ZFPM2: variants seen among roughly 807,000 people sequenced by gnomAD.
ZFPM2 encodes the protein zinc finger protein, FOG family member 2, also known as zinc finger protein ZFPM2.
ZFPM2 carries 20 observed loss-of-function variants against 98.6 expected under a neutral mutation model. That is an observed-to-expected ratio of 0.20 (90% CI 0.14 to 0.29). The LOEUF (loss-of-function observed/expected upper bound fraction) is 0.29. ZFPM2 is among the 10% of genes least tolerant of loss of function. ZFPM2 has a pLI of 1.00. For synonymous variants in ZFPM2, 518 were observed against 502.7 expected (o/e 1.03, Z -0.41); for missense variants, 1,310 against 1,388.6 (o/e 0.94, Z 0.90).
At chr8:105,408,184 C>G (rs1305277551) in intron 1 of ZFPM2, among the ~76,000 whole-genome samples, 1 of 151,960 alleles carries the variant, frequency 6.6e-6, no homozygotes, top group Admixed American at 6.6e-5. Context: ...TACCCGCTCT[C>G]CTAATTCTCC....
intron 4 of ZFPM2, among the ~76,000 whole-genome samples, chr8:105,580,827 C>CTCTCTA (rs1277698205): frequency 3.3e-4 from 44 of 131,470 alleles, no homozygotes; most frequent in African/African-American, 9.0e-4. Context: ...CTCTCTCTCT[C>CTCTCTA]TATATATATA....
intron 3 of ZFPM2, among the ~76,000 whole-genome samples, chr8:105,524,317 G>A (rs1183557436): frequency 6.6e-6 from 1 of 151,898 alleles, no homozygotes; most frequent in African/African-American, 2.4e-5. Flanking sequence ...GGTATCCTTA[G>A]TACCAACATT....
rs559845332 is a variant in ZFPM2 at position 105,481,051 on chromosome 8, G to C, written c.301+36670G>C. ...AGGCGTGAGCCACCATGCCTGGCTG[G>C]GATTACATTTTTTAAAAATCCAGTT... On this transcript the variant is annotated intron_variant, in intron 3 of 7. Coordinates refer to ENST00000407775, the MANE Select transcript of ZFPM2 (RefSeq NM_012082.4). Among the ~76,000 whole-genome samples the C allele has an allele frequency of 6.6e-5, 10 of 152,084 alleles. No individual in the cohort carries two copies. In the East Asian group the frequency reaches 1.7e-3, roughly 26 times the overall value.
chr8:105,516,140 G>T (rs1254077932), intron 3 of ZFPM2, among the ~76,000 whole-genome samples: 2 of 151,964 alleles, frequency 1.3e-5, no homozygotes, highest in Non-Finnish European at 2.9e-5. Context: ...TGGCCAGGCT[G>T]GTCTTGAACT....
In ZFPM2 at chr8:105,347,246, A is replaced by T. The variant is rs190969246; in HGVS notation, c.40+28265A>T. ...CGTGATTATTCTTTTAACATTAAAA[A>T]TTCAATTTACTGATTGCAAATTAAA... On this transcript the variant is annotated intron_variant, in intron 1 of 7. Transcript: ENST00000407775. 7.2e-4 allele frequency among the ~76,000 whole-genome samples: 110 copies of T among 152,248 alleles called. 2 individuals carry two copies. The highest frequency in any genetic ancestry group is 6.0e-4 in the Non-Finnish European group (41 of 68,026).
At chr8:105,721,925 A>G (rs1811678189) in intron 5 of ZFPM2, among the ~76,000 whole-genome samples, 1 of 151,920 alleles carries the variant, frequency 6.6e-6, no homozygotes, top group Admixed American at 6.6e-5. Flanking sequence ...TGTATTGGAG[A>G]TATGTAGCAA....
intron 1 of ZFPM2, among the ~76,000 whole-genome samples, chr8:105,384,595 C>G (rs1810948438): frequency 6.6e-6 from 1 of 151,856 alleles, no homozygotes; most frequent in Non-Finnish European, 1.5e-5. Flanking sequence ...GAGAAGCAAA[C>G]TGATCTCCAT....
chr8:105,370,204 A>G (rs546773280), intron 1 of ZFPM2, among the ~76,000 whole-genome samples: 1 of 152,218 alleles, frequency 6.6e-6, no homozygotes, highest in African/African-American at 2.4e-5. Flanking sequence ...GGTAAGAAAT[A>G]GAACCTGTTT....
intron 5 of ZFPM2, among the ~76,000 whole-genome samples, chr8:105,635,042 G>A (rs1348148965): frequency 6.6e-6 from 1 of 152,176 alleles, no homozygotes; most frequent in East Asian, 1.9e-4. Context: ...CCTTCCTCAC[G>A]TGTGGTGTAG....
chr8:105,520,598 T>G (rs1039367220), intron 3 of ZFPM2, among the ~76,000 whole-genome samples: 14 of 152,250 alleles, frequency 9.2e-5, no homozygotes, highest in African/African-American at 3.4e-4. Flanking sequence ...AGCATTAATC[T>G]AGTTGGGTAG....
intron 4 of ZFPM2, among the ~76,000 whole-genome samples, chr8:105,624,309 A>G (rs746065084): frequency 7.2e-5 from 11 of 152,218 alleles, no homozygotes; most frequent in Non-Finnish European, 1.2e-4. Flanking sequence ...AAATTCTGCC[A>G]GGAGCAAAAC....
At chr8:105,397,347 A>C (rs2129965605) in intron 1 of ZFPM2, among the ~76,000 whole-genome samples, 1 of 152,288 alleles carries the variant, frequency 6.6e-6, no homozygotes. Context: ...CTAATCTATA[A>C]ATACCTAATA....
intron 5 of ZFPM2, among the ~76,000 whole-genome samples, chr8:105,767,799 C>T (rs1812888771): frequency 6.6e-6 from 1 of 151,742 alleles, no homozygotes; most frequent in African/African-American, 2.4e-5. Flanking sequence ...GCTAAGCTTC[C>T]GTTGCTATTT....
intron 6 of ZFPM2, chr8:105,795,710 TA>T (rs1563569528): frequency 2.5e-6 from 1 of 395,950 alleles, no homozygotes; most frequent in Non-Finnish European, 4.9e-6. Context: ...TTTTACTTCA[TA>T]AAAAAGAAAT....
At chr8:105,465,941 T>G (rs1226828795) in intron 3 of ZFPM2, among the ~76,000 whole-genome samples, 3 of 152,010 alleles carry the variant, frequency 2.0e-5, no homozygotes, top group African/African-American at 7.2e-5. Flanking sequence ...AGAATGAATT[T>G]AACAAAATTT....
intron 5 of ZFPM2, among the ~76,000 whole-genome samples, chr8:105,756,905 G>T (rs548703864): frequency 2.6e-5 from 4 of 152,256 alleles, no homozygotes; most frequent in South Asian, 2.1e-4. Context: ...CGTGATACCT[G>T]GGGCAGCGCG....
chr8:105,712,441 T>G (rs1272957362), intron 5 of ZFPM2, among the ~76,000 whole-genome samples: 1 of 152,046 alleles, frequency 6.6e-6, no homozygotes, highest in Non-Finnish European at 1.5e-5. Flanking sequence ...TAGACAGTAT[T>G]ACCTCAATAT....
rs891522277 is a variant in ZFPM2 at position 105,801,673 on chromosome 8, G to A, written c.1591G>A (p.Gly531Ser). 3.1e-6 allele frequency: 5 copies of A among 1,613,524 alleles called. No individual in the cohort carries two copies. Among genetic ancestry groups the A allele is most frequent in the South Asian group, 2.2e-5 (2 of 91,080 alleles). ...ACTGGTGCATCGGCGACTGAGGCAT[G>A]GCAGTAGTAGCTACCCTCCCGTCAT... ...SELVHRRLRH[G>S]SSSYPPVIYS... The change falls in exon 8 of 8, where the codon GGC (glycine) becomes AGC (serine). Residue 531 changes from glycine to serine, a missense_variant. Coordinates refer to ENST00000407775, the MANE Select transcript of ZFPM2 (RefSeq NM_012082.4).
chr8:105,512,860 T>G (rs546681328), intron 3 of ZFPM2, among the ~76,000 whole-genome samples: 1 of 152,124 alleles, frequency 6.6e-6, no homozygotes, highest in Admixed American at 6.6e-5. Flanking sequence ...ACATATCATG[T>G]GCCAGAAATA....
Sources: gnomAD v4.1 joint callset for allele counts (sites outside exome capture counted in the v4.1 genomes callset) on GRCh38, gnomAD v4.1.1 for gene constraint, MANE v1.5 for transcripts, NCBI Gene and HGNC (gene_info 2026-07-23, HGNC 2026-07-21) for gene names.